Variants in GPR158 observed in about 807,000 individuals in gnomAD.
The protein encoded by GPR158 is G protein-coupled receptor 158.
Under a neutral mutation model 78.2 loss-of-function variants are expected in GPR158, and 30 were observed. The ratio of observed to expected loss-of-function variants is 0.38; its 90% CI spans 0.29 to 0.52. The LOEUF (loss-of-function observed/expected upper bound fraction) is 0.52, where lower values mean the gene tolerates loss of function less well. Ranked by LOEUF, GPR158 falls within the 20% of genes least tolerant of loss-of-function variation. The probability of loss-of-function intolerance (pLI) is 0.83; values close to 1 mark genes in which losing one functional copy is unlikely to be tolerated. For synonymous variants in GPR158, 581 were observed against 591.1 expected, an observed-to-expected ratio of 0.98 and a Z score of 0.25; for missense variants, 1,463 against 1,523.5, an observed-to-expected ratio of 0.96 and a Z score of 0.66.
chr10:25,507,703 T>C (rs2130665262), intron 5 of GPR158, among the ~76,000 whole-genome samples: 1 of 152,334 alleles, frequency 6.6e-6, no homozygotes, highest in East Asian at 1.9e-4. Context: ...ATCACTCTGG[T>C]ATGTTATTTT....
intron 2 of GPR158, among the ~76,000 whole-genome samples, chr10:25,330,462 A>G (rs1254239409): frequency 1.3e-5 from 2 of 152,192 alleles, no homozygotes; most frequent in Non-Finnish European, 2.9e-5. Context: ...TTTATTAAGT[A>G]GTGTTATAAT....
chr10:25,335,947 T>G (rs1337005522), intron 2 of GPR158, among the ~76,000 whole-genome samples: 1 of 152,054 alleles, frequency 6.6e-6, no homozygotes, highest in Non-Finnish European at 1.5e-5. Flanking sequence ...ATAACAGTAG[T>G]ACCTCAAAGA....
chr10:25,233,102 G>A (rs1853474761), intron 2 of GPR158, among the ~76,000 whole-genome samples: 1 of 152,232 alleles, frequency 6.6e-6, no homozygotes, highest in African/African-American at 2.4e-5. Flanking sequence ...CATTTAGTGG[G>A]ATAAACATGC....
At chr10:25,403,842 G>A (rs1489240762) in intron 3 of GPR158, among the ~76,000 whole-genome samples, 1 of 152,004 alleles carries the variant, frequency 6.6e-6, no homozygotes, top group Non-Finnish European at 1.5e-5. Context: ...CTGTATTATA[G>A]ATCAGTTAAT....
rs769628744 is a variant in GPR158, at chr10:25,175,446, T to A, written c.26T>A (p.Leu9His). Residue 9 changes from leucine (L) to histidine (H), a missense_variant, in exon 1 of 11, where the codon CTC (leucine) becomes CAC (histidine). Leu to His is a moderately conservative substitution (Grantham distance 99, BLOSUM62 -3). Coordinates refer to ENST00000376351, the MANE Select transcript of GPR158 (RefSeq NM_020752.3). The surrounding 1 kb of genome is among the most constrained non-coding windows in gnomAD (Gnocchi z 6.4). Reference sequence around the variant, plus strand: ...ATGGGAGCCATGGCTTACCCCTTACTCCTCTGCCTCCTGCTTGCTCAGCTG... The same window carrying A: ...ATGGGAGCCATGGCTTACCCCTTACACCTCTGCCTCCTGCTTGCTCAGCTG... MGAMAYPLLLCLLLAQLGL... is the reference protein window; with the variant it reads MGAMAYPLHLCLLLAQLGL... The A allele has an allele frequency of 1.9e-6, 3 of 1,590,302 alleles. No homozygotes were observed. Among genetic ancestry groups the A allele is most frequent in the Non-Finnish European group, 2.6e-6 (3 of 1,168,028 alleles).
chr10:25,291,291 A>T (rs549768938), intron 2 of GPR158, among the ~76,000 whole-genome samples: 20 of 152,192 alleles, frequency 1.3e-4, no homozygotes, highest in Admixed American at 6.5e-4. Flanking sequence ...ATTAGCTATT[A>T]GACACGGGCC....
chr10:25,592,310 TA>T (rs1395322069), intron 8 of GPR158, among the ~76,000 whole-genome samples: 7 of 152,008 alleles, frequency 4.6e-5, no homozygotes, highest in African/African-American at 1.7e-4. Flanking sequence ...TCTAGAAGGA[TA>T]AATAACACAG....
chr10:25,596,778 G>A lies in GPR158; in HGVS notation c.2134G>A (p.Glu712Lys), dbSNP rs1436318568. The A allele has an allele frequency of 6.2e-7, 1 of 1,613,350 alleles. No homozygotes were observed. Among genetic ancestry groups the A allele is most frequent in the Non-Finnish European group, 8.5e-7 (1 of 1,179,594 alleles). The change falls in exon 10 of 11, where the codon GAG becomes AAG. Residue 712 changes from glutamate (E) to lysine (K), a missense_variant. Glu to Lys is a moderately conservative substitution (Grantham distance 56). Transcript: ENST00000376351. ...SAWSEHSLDP[E>K]DIRDELKKLY... Reference sequence around the variant, plus strand: ...CTGGAGTGAGCACAGCTTGGATCCAGAGGACATTCGGGTAATGCCAGTACT... The same window carrying A: ...CTGGAGTGAGCACAGCTTGGATCCAAAGGACATTCGGGTAATGCCAGTACT...
At chr10:25,504,293 G>A (rs1332771525) in intron 5 of GPR158, among the ~76,000 whole-genome samples, 1 of 152,130 alleles carries the variant, frequency 6.6e-6, no homozygotes, top group Non-Finnish European at 1.5e-5. Context: ...TGAGTGAATG[G>A]CAGAATAAGT....
At chr10:25,371,834 A>G (rs1286665649) in intron 2 of GPR158, among the ~76,000 whole-genome samples, 2 of 132,784 alleles carry the variant, frequency 1.5e-5, no homozygotes, top group Non-Finnish European at 3.3e-5. Flanking sequence ...AGCAATGGCA[A>G]CAAAAGCCAA....
At chr10:25,268,155 T>G (rs746094791) in intron 2 of GPR158, among the ~76,000 whole-genome samples, 2 of 152,146 alleles carry the variant, frequency 1.3e-5, no homozygotes, top group African/African-American at 4.8e-5. Context: ...TTTTGAATAC[T>G]CTCTATATAA....
chr10:25,248,428 T>A (rs1280310894), intron 2 of GPR158, among the ~76,000 whole-genome samples: 18 of 152,126 alleles, frequency 1.2e-4, no homozygotes, highest in Non-Finnish European at 2.6e-4. Flanking sequence ...GGTTTTCTTC[T>A]AGGGTTTTTA....
intron 1 of GPR158, among the ~76,000 whole-genome samples, chr10:25,192,549 C>A (rs150781252): frequency 6.6e-6 from 1 of 152,250 alleles, no homozygotes; most frequent in African/African-American, 2.4e-5. Flanking sequence ...TTATGTAACT[C>A]TGTGGCTCAA....
chr10:25,406,179 G>A (rs1260715834), intron 3 of GPR158, among the ~76,000 whole-genome samples: 1 of 152,128 alleles, frequency 6.6e-6, no homozygotes, highest in Non-Finnish European at 1.5e-5. Context: ...TGTCTCTGAA[G>A]CCCTCTAAGC....
intron 2 of GPR158, among the ~76,000 whole-genome samples, chr10:25,293,658 C>T (rs1175468765): frequency 6.6e-6 from 1 of 152,058 alleles, no homozygotes; most frequent in Non-Finnish European, 1.5e-5. Context: ...TGTTTTTCTC[C>T]ATAGCAAATT....
chr10:25,462,660 A>G (rs1434114217), intron 4 of GPR158, among the ~76,000 whole-genome samples: 1 of 152,232 alleles, frequency 6.6e-6, no homozygotes, highest in Non-Finnish European at 1.5e-5. Context: ...TCTAACCCTC[A>G]TGGATGACTT....
chr10:25,422,048 A>G (rs1044858004), intron 4 of GPR158, among the ~76,000 whole-genome samples: 18 of 152,298 alleles, frequency 1.2e-4, no homozygotes, highest in African/African-American at 3.8e-4. Flanking sequence ...TGTATCCTCA[A>G]GTCGTTTGTT....
At chr10:25,305,155 G>A (rs1179614182) in intron 2 of GPR158, among the ~76,000 whole-genome samples, 1 of 152,234 alleles carries the variant, frequency 6.6e-6, no homozygotes, top group Non-Finnish European at 1.5e-5. Context: ...GGTCACCTAA[G>A]ATGGAGAGAA....
At chr10:25,222,593 G>A (rs1019479748) in intron 2 of GPR158, among the ~76,000 whole-genome samples, 4 of 152,038 alleles carry the variant, frequency 2.6e-5, no homozygotes, top group East Asian at 1.9e-4. Flanking sequence ...CCTCCACTTC[G>A]GATGATTCTG....
Sources: allele counts gnomAD v4.1 joint callset (sites outside exome capture counted in the v4.1 genomes callset), GRCh38; gene constraint gnomAD v4.1.1; non-coding constraint Gnocchi (gnomAD v3.1); transcripts MANE v1.5; gene names NCBI Gene and HGNC (gene_info 2026-07-23, HGNC 2026-07-21).